The following CRPPA variants were observed in gnomAD, a reference collection of about 807,000 sequenced individuals.
CRPPA encodes D-ribitol-5-phosphate cytidylyltransferase.
A neutral mutation model predicts 52.0 loss-of-function variants in CRPPA; 43 were observed. The ratio of observed to expected loss-of-function variants is 0.83; its 90% confidence interval spans 0.65 to 1.07. CRPPA has a LOEUF of 1.07. CRPPA is among the 50% of genes least tolerant of loss of function. The pLI, the probability that CRPPA is intolerant of heterozygous loss-of-function variation, is 0.00. For missense variants in CRPPA, 629 were observed against 551.7 expected (o/e 1.14, Z -1.40); for synonymous variants, 250 against 203.5 (o/e 1.23, Z -1.94).
intron 3 of CRPPA, among the ~76,000 whole-genome samples, chr7:16,350,820 T>C (rs1786132026): frequency 6.6e-6 from 1 of 152,158 alleles, no homozygotes; most frequent in Non-Finnish European, 1.5e-5. Context: ...GAGTGTGGCT[T>C]AATGGATAAA....
At chr7:16,402,381 A>G (rs2128317721) in intron 2 of CRPPA, among the ~76,000 whole-genome samples, 1 of 152,326 alleles carries the variant, frequency 6.6e-6, no homozygotes, top group Non-Finnish European at 1.5e-5. Flanking sequence ...TCCTTGCCTC[A>G]GAAACACACC....
intron 5 of CRPPA, among the ~76,000 whole-genome samples, chr7:16,280,937 T>C (rs1413858222): frequency 1.3e-5 from 2 of 152,092 alleles, no homozygotes; most frequent in African/African-American, 2.4e-5. Flanking sequence ...GGAGAATCGC[T>C]TGAACTCGGG....
At chr7:16,302,531 CT>C (rs1442526159) in intron 4 of CRPPA, among the ~76,000 whole-genome samples, 2 of 152,028 alleles carry the variant, frequency 1.3e-5, no homozygotes, top group Non-Finnish European at 2.9e-5. Flanking sequence ...TTTATAAGGT[CT>C]TAAAAGCTAC....
At chr7:16,120,454 T>C (rs1009317944) in intron 9 of CRPPA, among the ~76,000 whole-genome samples, 4 of 152,304 alleles carry the variant, frequency 2.6e-5, no homozygotes, top group African/African-American at 7.2e-5. Context: ...AATCCCATCA[T>C]TGTACTATAT....
In CRPPA at chr7:16,376,118, C is replaced by G. The variant is rs1210618248; in HGVS notation, c.658G>C (p.Asp220His). The G allele has an allele frequency of 1.9e-6, 3 of 1,604,796 alleles. No homozygotes were observed. The Admixed American group carries it at 5.1e-5, about 28-fold the overall frequency. Residue 220 changes from aspartate to histidine, a missense_variant, in exon 3 of 10, where the codon GAT becomes CAT. By Grantham distance (81) the Asp-to-His change is moderately conservative. Coordinates refer to ENST00000407010, the MANE Select transcript of CRPPA (RefSeq NM_001101426.4). The stretch of plus-strand genomic sequence containing the variant: ...TGCTGATATGCTTCATAAATCACAT[C>G]AAATAGAAAAGCTTGGGGCATTTCA... ...ASEMPQAFLFDVIYEAYQQCS... is the reference protein window; with the variant it reads ...ASEMPQAFLFHVIYEAYQQCS...
intron 2 of CRPPA, among the ~76,000 whole-genome samples, chr7:16,380,618 C>A (rs1239606257): frequency 1.3e-5 from 2 of 152,086 alleles, no homozygotes; most frequent in African/African-American, 4.8e-5. Flanking sequence ...TCCATCTGGT[C>A]CTGGACTCTT....
intron 6 of CRPPA, among the ~76,000 whole-genome samples, chr7:16,259,221 A>T (rs1225049277): frequency 6.6e-6 from 1 of 152,024 alleles, no homozygotes; most frequent in Non-Finnish European, 1.5e-5. Context: ...GCAAACAAGG[A>T]TATAGAAAAT....
chr7:16,212,449 TC>T (rs1782176184), intron 9 of CRPPA, among the ~76,000 whole-genome samples: 1 of 151,984 alleles, frequency 6.6e-6, no homozygotes, highest in South Asian at 2.1e-4. Flanking sequence ...GGATCCTAAC[TC>T]CCCCACTGTC....
At chr7:16,402,059 T>C (rs2128317656) in intron 2 of CRPPA, among the ~76,000 whole-genome samples, 1 of 152,036 alleles carries the variant, frequency 6.6e-6, no homozygotes, top group South Asian at 2.1e-4. Context: ...GAGCGTGTGC[T>C]ACTTGATTAG....
rs540361491 is a variant in CRPPA, at chr7:16,248,358, G to C, written c.1119+10032C>G. Among the ~76,000 whole-genome samples, 5 of 152,222 alleles carry C rather than the reference G, an allele frequency of 3.3e-5. No individual in the cohort carries two copies. In the South Asian group the frequency reaches 1.0e-3, roughly 32 times the overall value. On this transcript the variant is annotated intron_variant, in intron 8 of 9. Coordinates refer to ENST00000407010, the MANE Select transcript of CRPPA (RefSeq NM_001101426.4). ...TAACTCAAAAAGTAATTATAAGAGA[G>C]CCTATGTGCCTGTCTTTGTGCATTT...
At chr7:16,278,624 C>T (rs1242488911) in intron 5 of CRPPA, among the ~76,000 whole-genome samples, 1 of 152,220 alleles carries the variant, frequency 6.6e-6, no homozygotes, top group Non-Finnish European at 1.5e-5. Context: ...CATAGGTTAT[C>T]TCCTGTGCAC....
intron 2 of CRPPA, among the ~76,000 whole-genome samples, chr7:16,380,063 G>C (rs1413831266): frequency 6.6e-6 from 1 of 150,908 alleles, no homozygotes. Flanking sequence ...TCCCTGTCTT[G>C]TGCCAGTTTT....
At chr7:16,390,946 G>C (rs371713326) in intron 2 of CRPPA, among the ~76,000 whole-genome samples, 1 of 152,040 alleles carries the variant, frequency 6.6e-6, no homozygotes, top group East Asian at 1.9e-4. Flanking sequence ...GAAGTCAATG[G>C]CCTCCTATAA....
intron 5 of CRPPA, among the ~76,000 whole-genome samples, chr7:16,296,278 T>A (rs2128421705): frequency 6.6e-6 from 1 of 152,218 alleles, no homozygotes; most frequent in East Asian, 1.9e-4. Flanking sequence ...TGCCTTGAAG[T>A]TAGCAAACCT....
chr7:16,416,952 T>G (rs1264597444), intron 1 of CRPPA, among the ~76,000 whole-genome samples: 1 of 152,092 alleles, frequency 6.6e-6, no homozygotes, highest in Non-Finnish European at 1.5e-5. Context: ...TGTAAACAAC[T>G]GAACCAGCAA....
intron 8 of CRPPA, among the ~76,000 whole-genome samples, chr7:16,232,661 T>C (rs982453805): frequency 1.1e-4 from 16 of 152,166 alleles, no homozygotes; most frequent in African/African-American, 3.1e-4. Flanking sequence ...GGGAAATAAT[T>C]ATCTCTACAC....
At chr7:16,129,641 C>G (rs2128372474) in intron 9 of CRPPA, among the ~76,000 whole-genome samples, 1 of 152,202 alleles carries the variant, frequency 6.6e-6, no homozygotes, top group Middle Eastern at 3.4e-3. Flanking sequence ...ACCTGAGGAG[C>G]TGCTCAGTAC....
At chr7:16,298,418 A>G (rs1381401568) in intron 5 of CRPPA, among the ~76,000 whole-genome samples, 2 of 152,230 alleles carry the variant, frequency 1.3e-5, no homozygotes, top group African/African-American at 4.8e-5. Flanking sequence ...CCAAGTCAGC[A>G]TTTGCTTTAG....
chr7:16,123,028 C>G (rs759876339), intron 9 of CRPPA, among the ~76,000 whole-genome samples: 23 of 151,908 alleles, frequency 1.5e-4, no homozygotes, highest in Non-Finnish European at 3.1e-4. Context: ...TAAAAAGTGT[C>G]TTAGTTTTAC....
Sources: allele counts gnomAD v4.1 joint callset (sites outside exome capture counted in the v4.1 genomes callset), GRCh38; gene constraint gnomAD v4.1.1; transcripts MANE v1.5; gene names NCBI Gene and HGNC (gene_info 2026-07-23, HGNC 2026-07-21).